The following ADAMTS7 variants were observed in gnomAD, a reference collection of about 807,000 sequenced individuals.
The protein encoded by ADAMTS7 is ADAM metallopeptidase with thrombospondin type 1 motif 7, also known as A disintegrin and metalloproteinase with thrombospondin motifs 7.
In ADAMTS7, 89 loss-of-function variants were observed where a neutral mutation model predicts 172.6. The observed-to-expected ratio is 0.52, with a 90% CI of 0.43 to 0.61. ADAMTS7 has a LOEUF of 0.61. Ranked by LOEUF, ADAMTS7 falls within the 20% of genes least tolerant of loss-of-function variation. The probability of loss-of-function intolerance (pLI) is 0.00; values close to 1 mark genes in which losing one functional copy is unlikely to be tolerated. For synonymous variants in ADAMTS7, 885 were observed against 978.4 expected (o/e 0.90, Z 1.78); for missense variants, 1,973 against 2,355.6 (o/e 0.84, Z 3.36).
chr15:78,797,694 A>G (rs1427299001), intron 3 of ADAMTS7, among the ~76,000 whole-genome samples: 2 of 152,160 alleles, frequency 1.3e-5, no homozygotes, highest in African/African-American at 4.8e-5. Context: ...GCTGAGCCCC[A>G]ACGTGGGAGA....
At position 78,766,520 on chromosome 15, in the gene ADAMTS7, T is replaced by C. The variant is rs760932752; in HGVS notation, c.3391A>G (p.Ser1131Gly). 1.3e-5 allele frequency: 20 copies of C among 1,586,146 alleles called. No homozygotes were observed. The African/African-American group carries it at 1.7e-4, about 14-fold the overall frequency. Residue 1131 changes from serine to glycine, a missense_variant, in exon 19 of 24, where the codon AGC becomes GGC. Physicochemically the swap from Ser to Gly is moderately conservative, Grantham distance 56. Around this residue, in one of 8 missense-constraint regions of ADAMTS7, gnomAD observed 771 missense variants for 952.6 expected, o/e 0.81. Coordinates refer to ENST00000388820, the MANE Select transcript of ADAMTS7 (RefSeq NM_014272.5). ...EEGVLGPWSPSPWPSQAGRSP... is the reference protein window; with the variant it reads ...EEGVLGPWSPGPWPSQAGRSP... ...CGGCCGGCCTGGCTAGGCCAAGGGCTCGGGGACCAAGGTCCCAGTACCCCC... is the reference window on the plus strand; with the variant it reads ...CGGCCGGCCTGGCTAGGCCAAGGGCCCGGGGACCAAGGTCCCAGTACCCCC...
rs1467867689 is a variant in ADAMTS7, at chr15:78,771,987, A to G, written c.2132-158T>C. Among the ~76,000 whole-genome samples the G allele has an allele frequency of 2.6e-5, 4 of 152,194 alleles. No individual in the cohort carries two copies. The East Asian group carries it at 7.7e-4, about 29-fold the overall frequency. ...TTGCTCGGATCTGTCATGGGTCACC[A>G]AAACCTCGCAGAGGTGCCACAAATC... On this transcript the variant is annotated intron_variant, in intron 14 of 23. Coordinates refer to ENST00000388820, the MANE Select transcript of ADAMTS7 (RefSeq NM_014272.5). This position sits in a 1 kb window ranked among gnomAD's most constrained non-coding sequence, Gnocchi z 4.9.
chr15:78,761,469 G>T (rs1356812997), intron 23 of ADAMTS7, among the ~76,000 whole-genome samples: 2 of 152,296 alleles, frequency 1.3e-5, no homozygotes, highest in African/African-American at 2.4e-5. Context: ...CAGTGGCTGT[G>T]GGGGAGGGGA....
Position 78,765,955 on chromosome 15 carries a change from G to A in ADAMTS7, c.3956C>T (p.Thr1319Ile), listed in dbSNP as rs753514875. The change falls in exon 19 of 24, where the codon ACC becomes ATC. Residue 1319 changes from threonine to isoleucine, a missense_variant. This residue lies in a region of ADAMTS7 where 771 missense variants were observed against 952.6 expected (regional missense o/e 0.81). Transcript: ENST00000388820. ...CAGGTCCCATGAGCCTGGTCCTGGG[G>A]TTGGGAAGGAGGGAGTCCCCGGCTC... Reference protein sequence around the residue: ...SLEPGTPSFPTPGPGSWDLQT... With the variant: ...SLEPGTPSFPIPGPGSWDLQT... The A allele has an allele frequency of 5.7e-6, 9 of 1,591,290 alleles. No individual in the cohort carries two copies. The highest frequency in any genetic ancestry group is 1.1e-5 in the South Asian group (1 of 90,090).
In ADAMTS7 at chr15:78,767,581, C is replaced by T; in HGVS notation, c.2657G>A (p.Gly886Asp). Reference sequence around the variant, plus strand: ...GGAGCTGGAGCACAGCTGCCACTCACCTGCCCACCACCTGGCGAGGGCACA... The same window carrying T: ...GGAGCTGGAGCACAGCTGCCACTCATCTGCCCACCACCTGGCGAGGGCACA... ...EQPCPARWWA[G>D]EWQLCSSSCG... is the part of the protein sequence containing the mutation. The change falls in exon 18 of 24, where the codon GGT becomes GAT. Residue 886 changes from glycine (G) to aspartate (D), a missense_variant. This residue lies in a region of ADAMTS7 where 771 missense variants were observed against 952.6 expected (regional missense o/e 0.81). Transcript: ENST00000388820. 6.5e-7 allele frequency: 1 copy of T among 1,546,262 alleles called. No homozygotes were observed. The highest frequency in any genetic ancestry group is 8.7e-7 in the Non-Finnish European group (1 of 1,144,808).
intron 2 of ADAMTS7, 53 bp downstream of exon 2, chr15:78,800,139 G>C (rs3971703): frequency 0.75 from 1,110,307 of 1,483,328 alleles, 417,275 homozygotes; most frequent in Admixed American, 0.85. Flanking sequence ...GAGCCAATCT[G>C]CACATCCCAC....
chr15:78,811,312 A>G lies in ADAMTS7; in HGVS notation c.-92T>C. ...CCTGGTCCCAGGTCCGGCTCAGGAC[A>G]TGCCCGGCCGGCGTGCAGCTCCCGG... On this transcript the variant is annotated 5_prime_UTR_variant, in exon 1 of 24. It removes an upstream start codon present in the reference 5' UTR. Transcript: ENST00000388820. The G allele has an allele frequency of 8.3e-7, 1 of 1,204,280 alleles. No homozygotes were observed. Among genetic ancestry groups the G allele is most frequent in the Non-Finnish European group, 1.0e-6 (1 of 969,074 alleles). 74.6% of individuals were successfully genotyped at this position (1,204,280 alleles called of 1,614,324 possible).
At chr15:78,800,001 T>C (rs925968283) in intron 2 of ADAMTS7, among the ~76,000 whole-genome samples, 191 bp downstream of exon 2, 4 of 151,898 alleles carry the variant, frequency 2.6e-5, no homozygotes, top group African/African-American at 9.7e-5. Context: ...ACATTAAACT[T>C]TGAGAACTGT....
At position 78,811,367 on chromosome 15, in the gene ADAMTS7, C is replaced by A. The variant is rs2055865152; in HGVS notation, c.-147G>T. 2 of 1,025,588 alleles carry A rather than the reference C, an allele frequency of 2.0e-6. No individual in the cohort carries two copies. The highest frequency in any genetic ancestry group is 2.5e-6 in the Non-Finnish European group (2 of 805,298). 63.5% of individuals were successfully genotyped at this position (1,025,588 alleles called of 1,614,324 possible). ...CCGGCCCCGACTCCGTTCGGCTGCG[C>A]TCGGTCCGCGGGCAACAAAGGCTGC... On this transcript the variant is annotated 5_prime_UTR_variant, in exon 1 of 24. Coordinates refer to ENST00000388820, the MANE Select transcript of ADAMTS7 (RefSeq NM_014272.5).
chr15:78,777,262 T>C, intron 9 of ADAMTS7, 182 bp downstream of exon 9: 1 of 838,830 alleles, frequency 1.2e-6, no homozygotes, highest in East Asian at 2.7e-5. Context: ...CAGAGCTGGG[T>C]CTGTGGCCGC....
chr15:78,792,815 A>AAAAGAAAGAAAG (rs551751878), intron 4 of ADAMTS7, among the ~76,000 whole-genome samples: 6 of 152,018 alleles, frequency 3.9e-5, no homozygotes, highest in Non-Finnish European at 7.4e-5. Flanking sequence ...CTCCATCTCC[A>AAAAGAAAGAAAG]AAAGAAAGAA....
rs1466996192 is a variant in ADAMTS7, at chr15:78,776,561, G to A, written c.1560+188C>T. ...TGCTGACTCAGCTGAAGACACCCTG[G>A]GGAATCATGGAATCAAGCCCTGGCC... On this transcript the variant is annotated intron_variant, in intron 10 of 23. Transcript: ENST00000388820. The A allele has an allele frequency of 8.6e-6, 7 of 816,516 alleles. No individual in the cohort carries two copies. In the Admixed American group the frequency reaches 1.4e-4, roughly 16 times the overall value. The allele number at this position is 816,516 out of a possible 1,614,324, so 50.6% of individuals were successfully genotyped here.
rs1596188486 is a variant in ADAMTS7, at chr15:78,780,810, C to A, written c.1323-3222G>T. ...TGGAAGCTGGCCTTTAGAAGGCAGG[C>A]TCCTTCTCCGAGTCACTGTTCCTGA... is the stretch of plus-strand genomic sequence containing the variant. On this transcript the variant is annotated intron_variant, in intron 8 of 23. Transcript: ENST00000388820. Among the ~76,000 whole-genome samples the A allele has an allele frequency of 3.3e-5, 5 of 152,244 alleles. No homozygotes were observed. In the South Asian group the frequency reaches 8.3e-4, roughly 25 times the overall value.
At chr15:78,802,484 A>G (rs1156323638) in intron 1 of ADAMTS7, among the ~76,000 whole-genome samples, 4 of 152,208 alleles carry the variant, frequency 2.6e-5, no homozygotes, top group Non-Finnish European at 4.4e-5. Flanking sequence ...CCACTTCAAC[A>G]GGGTAGCTCT....
At chr15:78,787,347 G>GAAAAAAA (rs758238548) in intron 8 of ADAMTS7, among the ~76,000 whole-genome samples, 1 of 106,530 alleles carries the variant, frequency 9.4e-6, no homozygotes, top group Non-Finnish European at 1.8e-5. Flanking sequence ...TAGCAAATTT[G>GAAAAAAA]AAAAAAAAAA....
chr15:78,762,502 C>A lies in ADAMTS7; in HGVS notation c.4804G>T (p.Gly1602Trp). Residue 1602 changes from glycine (G) to tryptophan (W), a missense_variant, in exon 23 of 24, where the codon GGG becomes TGG. Transcript: ENST00000388820. ...TGGTCACTGTCTTCCTCGGGCAGCC[C>A]TGTCTGGGTGTTGACACACTTGACC... is the stretch of plus-strand genomic sequence containing the variant. ...RLVKCVNTQT[G>W]LPEEDSDQCG... is the part of the protein sequence containing the mutation. The A allele has an allele frequency of 6.3e-7, 1 of 1,590,358 alleles. No homozygotes were observed. The highest frequency in any genetic ancestry group is 8.6e-7 in the Non-Finnish European group (1 of 1,168,702).
chr15:78,777,202 G>A (rs1037465647), intron 9 of ADAMTS7: 25 of 604,718 alleles, frequency 4.1e-5, no homozygotes, highest in Admixed American at 3.7e-4. Flanking sequence ...CCAGAGAGGC[G>A]AAGGGACTTG....
intron 23 of ADAMTS7, 148 bp downstream of exon 23, chr15:78,762,255 G>T: frequency 1.8e-6 from 2 of 1,114,110 alleles, no homozygotes; most frequent in Non-Finnish European, 1.2e-6. Flanking sequence ...TGTGGCATCA[G>T]GATTTTCAGT....
Position 78,795,621 on chromosome 15 carries a change from C to T in ADAMTS7, c.819+969G>A, listed in dbSNP as rs2055632775. Among the ~76,000 whole-genome samples, 4 of 152,268 alleles carry T rather than the reference C, an allele frequency of 2.6e-5. No homozygotes were observed. The South Asian group carries it at 8.3e-4, about 32-fold the overall frequency. On this transcript the variant is annotated intron_variant, in intron 4 of 23. Coordinates refer to ENST00000388820, the MANE Select transcript of ADAMTS7 (RefSeq NM_014272.5). ...GAAGCAGCAGCATAGGATCCTGGCC[C>T]CAGGGCTCCTTTAGATATTATCCTG...
Sources: gnomAD v4.1 joint callset for allele counts (sites outside exome capture counted in the v4.1 genomes callset) on GRCh38, gnomAD v4.1.1 for gene constraint, gnomAD v4.1.1 regional missense constraint, Gnocchi (gnomAD v3.1) non-coding constraint, MANE v1.5 for transcripts, NCBI Gene and HGNC (gene_info 2026-07-23, HGNC 2026-07-21) for gene names.